PP2D1: variants seen among roughly 807,000 people sequenced by gnomAD.
PP2D1 encodes protein phosphatase 2C like domain containing 1.
In PP2D1, 25 loss-of-function variants were observed where a neutral mutation model predicts 30.2. That is an observed-to-expected ratio of 0.83 (90% CI 0.60 to 1.16). The LOEUF (loss-of-function observed/expected upper bound fraction) is 1.16. Among genes scored for constraint, PP2D1 ranks in the 50% most tolerant of loss-of-function variants. PP2D1 has a pLI of 0.00. For synonymous variants in PP2D1, 260 were observed against 258.9 expected, an observed-to-expected ratio of 1.00 and a Z score of -0.04; for missense variants, 760 against 742.4, an observed-to-expected ratio of 1.02 and a Z score of -0.28.
downstream of PP2D1, chr3:19,984,973 C>T (rs1172009713): frequency 1.9e-5 from 3 of 157,164 alleles, no homozygotes; most frequent in South Asian, 2.0e-4. Context: ...TTATTTTGAT[C>T]AGTTCAGTAT....
At chr3:20,011,818 A>C (rs1017253795) in intron 1 of PP2D1, among the ~76,000 whole-genome samples, 1 of 146,082 alleles carries the variant, frequency 6.8e-6, no homozygotes, top group Non-Finnish European at 1.5e-5. Flanking sequence ...AAATAAATAA[A>C]ATAAGTTAAT....
At chr3:19,995,335 G>A (rs1391587623) in intron 2 of PP2D1, among the ~76,000 whole-genome samples, 1 of 152,168 alleles carries the variant, frequency 6.6e-6, no homozygotes, top group Non-Finnish European at 1.5e-5. Context: ...ACAGAGTAGA[G>A]ACACATGGGT....
At chr3:19,980,445 A>ATTTT (rs11441052), downstream of PP2D1, among the ~76,000 whole-genome samples, 20 of 148,034 alleles carry the variant, frequency 1.4e-4, no homozygotes, top group African/African-American at 1.5e-4. Flanking sequence ...AGGTTAGTAA[A>ATTTT]TTTTTTTTTC....
At chr3:19,997,503 G>A (rs1300934999) in intron 2 of PP2D1, among the ~76,000 whole-genome samples, 1 of 152,134 alleles carries the variant, frequency 6.6e-6, no homozygotes, top group Non-Finnish European at 1.5e-5. Flanking sequence ...TTTGAGTCAT[G>A]GGGAGCAGAT....
At chr3:19,986,269 G>T in intron 2 of PP2D1, 87 bp from the exon 3 acceptor site, 2 of 962,576 alleles carry the variant, frequency 2.1e-6, no homozygotes, top group Non-Finnish European at 2.9e-6. Flanking sequence ...AGTAAATTCT[G>T]TGTTTCAATG....
In PP2D1 at chr3:19,999,220, C is replaced by T. The variant is rs552055024; in HGVS notation, c.1090+1810G>A. Among the ~76,000 whole-genome samples, 30 of 150,944 alleles carry T rather than the reference C, an allele frequency of 2.0e-4. 1 individual carries two copies. In the South Asian group the frequency reaches 5.9e-3, roughly 29 times the overall value. ...ACAGCCTCCTGAGTAGCTGGGATTA[C>T]AGGCATGCACCACCACTCCCAGCTA... On this transcript the variant is annotated intron_variant, in intron 2 of 2. Coordinates refer to ENST00000389050, the MANE Select transcript of PP2D1 (RefSeq NM_001252657.2).
chr3:19,991,760 CTTAT>C (rs1405661632), intron 2 of PP2D1, among the ~76,000 whole-genome samples: 2 of 151,992 alleles, frequency 1.3e-5, no homozygotes, highest in African/African-American at 4.8e-5. Flanking sequence ...ACTTGGAACA[CTTAT>C]TTAGTGTTCC....
downstream of PP2D1, chr3:19,984,451 C>A: frequency 4.5e-6 from 1 of 224,510 alleles, no homozygotes; most frequent in Non-Finnish European, 8.9e-6. Context: ...TCAAATGCAA[C>A]CCCATCTTGT....
chr3:19,985,260 A>G (rs1697010712), downstream of PP2D1: 2 of 729,694 alleles, frequency 2.7e-6, no homozygotes, highest in Non-Finnish European at 2.2e-6. Flanking sequence ...ATCCGCTTTT[A>G]TATTTTCTTT....
chr3:19,988,613 C>G (rs1353786473), intron 2 of PP2D1, among the ~76,000 whole-genome samples: 3 of 152,114 alleles, frequency 2.0e-5, no homozygotes, highest in African/African-American at 7.2e-5. Flanking sequence ...GTGACCCACA[C>G]CTTATTCGTA....
At chr3:20,004,660 A>G (rs1019091575) in intron 1 of PP2D1, among the ~76,000 whole-genome samples, 4 of 152,182 alleles carry the variant, frequency 2.6e-5, no homozygotes, top group African/African-American at 4.8e-5. Flanking sequence ...ACGCCTTCCT[A>G]TCAGAAACAT....
intron 2 of PP2D1, among the ~76,000 whole-genome samples, chr3:19,990,156 A>T (rs1030967994): frequency 6.6e-6 from 1 of 152,150 alleles, no homozygotes; most frequent in East Asian, 1.9e-4. Flanking sequence ...AAAAAGGGAG[A>T]TAATGCGAGA....
chr3:19,999,241 A>G (rs995949067), intron 2 of PP2D1, among the ~76,000 whole-genome samples: 4 of 144,022 alleles, frequency 2.8e-5, no homozygotes, highest in Admixed American at 1.4e-4. Flanking sequence ...CACCACTCCC[A>G]GCTAATTTTT....
intron 2 of PP2D1, among the ~76,000 whole-genome samples, chr3:19,999,174 G>T (rs569313344): frequency 1.2e-4 from 17 of 142,372 alleles, no homozygotes; most frequent in Non-Finnish European, 3.0e-5. Context: ...CCGCCTCCTG[G>T]GTTCACACCA....
intron 2 of PP2D1, among the ~76,000 whole-genome samples, chr3:19,988,325 G>T (rs868258555): frequency 1.3e-5 from 2 of 152,270 alleles, no homozygotes; most frequent in South Asian, 4.1e-4. Context: ...CTCTGAAATG[G>T]CCTCTCTGGG....
Position 20,012,196 on chromosome 3 carries a change from A to G in PP2D1, c.-124T>C. Reference sequence around the variant, plus strand: ...TGAATGTGATGGCTGTGGCAGAAGTAGTGGTGATGGTGATGATAGCGATGG... The same window carrying G: ...TGAATGTGATGGCTGTGGCAGAAGTGGTGGTGATGGTGATGATAGCGATGG... On this transcript the variant is annotated 5_prime_UTR_variant, in exon 1 of 3. Coordinates refer to ENST00000389050, the MANE Select transcript of PP2D1 (RefSeq NM_001252657.2). 1 of 766,104 alleles carries G rather than the reference A, an allele frequency of 1.3e-6. No homozygotes were observed. Among genetic ancestry groups the G allele is most frequent in the Non-Finnish European group, 2.1e-6 (1 of 470,776 alleles). 47.5% of individuals were successfully genotyped at this position (766,104 alleles called of 1,614,324 possible). A position where few individuals can be genotyped will look rare whatever the true frequency, so the allele number is the denominator to read the frequency against.
Position 20,001,423 on chromosome 3 carries a change from T to G in PP2D1, c.697A>C (p.Lys233Gln). The G allele has an allele frequency of 6.5e-7, 1 of 1,536,656 alleles. No homozygotes were observed. Among genetic ancestry groups the G allele is most frequent in the Non-Finnish European group, 8.7e-7 (1 of 1,147,018 alleles). The change falls in exon 2 of 3, where the codon AAA becomes CAA. Residue 233 changes from lysine (K) to glutamine (Q), a missense_variant. By Grantham distance (53) the Lys-to-Gln change is moderately conservative. This residue lies in a region of PP2D1 where 374 missense variants were observed against 388.8 expected (regional missense o/e 0.96). Transcript: ENST00000389050. ...LPVLLLHQLSKFDPSYQMTTD... is the reference protein window; with the variant it reads ...LPVLLLHQLSQFDPSYQMTTD... ...GTCATTTGGTAAGAAGGATCAAATT[T>G]GGAAAGCTGATGGAGAAGTAAAACT...
intron 2 of PP2D1, among the ~76,000 whole-genome samples, chr3:19,997,880 G>A (rs1295135482): frequency 3.9e-5 from 6 of 152,030 alleles, no homozygotes; most frequent in African/African-American, 1.2e-4. Flanking sequence ...GGGGCAGGAC[G>A]AGATAAAGTA....
intron 2 of PP2D1, among the ~76,000 whole-genome samples, chr3:19,991,358 A>G (rs992296999): frequency 6.6e-6 from 1 of 152,236 alleles, no homozygotes; most frequent in African/African-American, 2.4e-5. Flanking sequence ...TCTAGAGCTG[A>G]GTAGGCAATA....
Sources: gnomAD v4.1 joint callset for allele counts (sites outside exome capture counted in the v4.1 genomes callset) on GRCh38, gnomAD v4.1.1 for gene constraint, gnomAD v4.1.1 regional missense constraint, MANE v1.5 for transcripts, NCBI Gene and HGNC (gene_info 2026-07-23, HGNC 2026-07-21) for gene names.